LPGAT1: variants seen among roughly 807,000 people sequenced by gnomAD.
LPGAT1 encodes the protein lysophosphatidylglycerol acyltransferase 1, also known as acyl-CoA:lysophosphatidylglycerol acyltransferase 1.
LPGAT1 carries 11 observed loss-of-function variants against 47.5 expected under a neutral mutation model. The observed-to-expected ratio is 0.23, with a 90% CI of 0.15 to 0.38. The LOEUF is 0.38. Ranked by LOEUF, LPGAT1 falls within the 10% of genes least tolerant of loss-of-function variation. The probability of loss-of-function intolerance (pLI) is 1.00; values close to 1 mark genes in which losing one functional copy is unlikely to be tolerated. For missense variants in LPGAT1, 293 were observed against 439.0 expected (o/e 0.67, Z 2.97); for synonymous variants, 138 against 144.2 (o/e 0.96, Z 0.31).
intron 2 of LPGAT1, among the ~76,000 whole-genome samples, chr1:211,820,684 GA>G (rs1226671297): frequency 6.6e-6 from 1 of 151,872 alleles, no homozygotes; most frequent in Non-Finnish European, 1.5e-5. Flanking sequence ...AGGATTAAAG[GA>G]AAAATAACAG....
At chr1:211,808,350 C>CAAAA (rs34803941) in intron 2 of LPGAT1, among the ~76,000 whole-genome samples, 44 of 122,738 alleles carry the variant, frequency 3.6e-4, no homozygotes, top group Non-Finnish European at 5.9e-4. Context: ...AACTCCGTCT[C>CAAAA]AAAAAAAAAA....
At chr1:211,771,381 A>G (rs1479445483) in intron 6 of LPGAT1, among the ~76,000 whole-genome samples, 1 of 152,192 alleles carries the variant, frequency 6.6e-6, no homozygotes, top group South Asian at 2.1e-4. Context: ...TAAGTGACAC[A>G]TGACTGTATA....
chr1:211,806,647 T>C (rs1335438372), intron 2 of LPGAT1, among the ~76,000 whole-genome samples: 1 of 152,176 alleles, frequency 6.6e-6, no homozygotes, highest in Non-Finnish European at 1.5e-5. Context: ...CCTGAACATA[T>C]ACCCTCTGAA....
chr1:211,788,973 T>C (rs1191458102), intron 3 of LPGAT1, among the ~76,000 whole-genome samples: 3 of 152,242 alleles, frequency 2.0e-5, no homozygotes, highest in Non-Finnish European at 4.4e-5. Flanking sequence ...GATGATATAA[T>C]ATTACAGCTT....
At position 211,751,013 on chromosome 1, in the gene LPGAT1, G is replaced by A. The variant is rs764305645; in HGVS notation, c.909C>T (p.Leu303=). Residue 303 remains leucine (L), a synonymous_variant, in exon 7 of 8, where the codon CTC becomes CTT. Transcript: ENST00000366997. ...PLETDDLTTW[L]YQRFVEKEDL... ...CTTCTTTTTCAACAAACCGCTGATA[G>A]AGCCAAGTGGTAAGGTCATCAGTCT... is the stretch of plus-strand genomic sequence containing the variant. 7.4e-6 allele frequency: 12 copies of A among 1,613,798 alleles called. No homozygotes were observed. Among genetic ancestry groups the A allele is most frequent in the African/African-American group, 5.3e-5 (4 of 74,918 alleles).
chr1:211,797,166 G>A (rs1481697699), intron 2 of LPGAT1, among the ~76,000 whole-genome samples: 1 of 152,094 alleles, frequency 6.6e-6, no homozygotes, highest in African/African-American at 2.4e-5. Context: ...TGAGGCACAA[G>A]AATCGCTTGA....
intron 6 of LPGAT1, among the ~76,000 whole-genome samples, chr1:211,757,801 C>T (rs1208893990): frequency 6.6e-6 from 1 of 152,200 alleles, no homozygotes. Context: ...CAAAGGGTAA[C>T]TTCCATCTTT....
intron 6 of LPGAT1, among the ~76,000 whole-genome samples, chr1:211,769,459 G>C (rs1009565514): frequency 2.9e-4 from 44 of 152,092 alleles, no homozygotes; most frequent in African/African-American, 2.4e-5. Context: ...ATGGGAAAGG[G>C]GTCCTGATCC....
Position 211,798,513 on chromosome 1 carries a change from G to A in LPGAT1, c.239-5323C>T, listed in dbSNP as rs550424393. ...CAGTCTGGGCAACAAAGTGAGATCT[G>A]TCTCTATAAAAAAATTTAAAATTAG... On this transcript the variant is annotated intron_variant, in intron 2 of 7. Coordinates refer to ENST00000366997, the MANE Select transcript of LPGAT1 (RefSeq NM_014873.3). Among the ~76,000 whole-genome samples, 3 of 152,144 alleles carry A rather than the reference G, an allele frequency of 2.0e-5. No homozygotes were observed. The East Asian group carries it at 5.8e-4, about 29-fold the overall frequency.
chr1:211,777,122 C>A (rs781746223), intron 6 of LPGAT1, among the ~76,000 whole-genome samples: 45 of 152,126 alleles, frequency 3.0e-4, no homozygotes, highest in Non-Finnish European at 5.4e-4. Flanking sequence ...TTTCCCTACG[C>A]CCCTTGGTGT....
intron 6 of LPGAT1, among the ~76,000 whole-genome samples, chr1:211,761,635 A>G (rs1207770108): frequency 6.6e-6 from 1 of 152,246 alleles, no homozygotes; most frequent in African/African-American, 2.4e-5. Context: ...ATGTGAGCTA[A>G]TAAATTCCCT....
chr1:211,785,093 G>A (rs566341855), intron 4 of LPGAT1, among the ~76,000 whole-genome samples: 1 of 152,112 alleles, frequency 6.6e-6, no homozygotes, highest in South Asian at 2.1e-4. Flanking sequence ...GTGAGCCACT[G>A]CGCCCAGCCG....
chr1:211,755,442 ATTAC>A (rs1657400348), intron 6 of LPGAT1, among the ~76,000 whole-genome samples: 1 of 151,992 alleles, frequency 6.6e-6, no homozygotes, highest in Non-Finnish European at 1.5e-5. Context: ...AGAAAAGAAT[ATTAC>A]TTATGAATTA....
At position 211,815,233 on chromosome 1, in the gene LPGAT1, T is replaced by C. The variant is rs6696655; in HGVS notation, c.238+13826A>G. ...CCACTTGGATGTTTTTCATCTACCC[T>C]ATGCTAAATTTTTAAATTTTTAAAA... On this transcript the variant is annotated intron_variant, in intron 2 of 7. Transcript: ENST00000366997. 5.2e-3 allele frequency among the ~76,000 whole-genome samples: 795 copies of C among 152,320 alleles called. 6 individuals are homozygous for C. Among genetic ancestry groups the C allele is most frequent in the African/African-American group, 0.018 (754 of 41,568 alleles).
chr1:211,748,172 G>A lies in LPGAT1; in HGVS notation c.*1727C>T, dbSNP rs1009746024. 4.0e-4 allele frequency: 61 copies of A among 152,334 alleles called. No homozygotes were observed. The highest frequency in any genetic ancestry group is 1.2e-3 in the African/African-American group (50 of 41,420). The allele number at this position is 152,334 out of a possible 1,614,324, so 9.4% of individuals were successfully genotyped here. On this transcript the variant is annotated 3_prime_UTR_variant, in exon 8 of 8. Coordinates refer to ENST00000366997, the MANE Select transcript of LPGAT1 (RefSeq NM_014873.3). Reference sequence around the variant, plus strand: ...AAATTGTTGTGTGATTAGTGACAACGGGGGAATCTACAATGCTCACATCAC... The same window carrying A: ...AAATTGTTGTGTGATTAGTGACAACAGGGGAATCTACAATGCTCACATCAC...
Position 211,809,284 on chromosome 1 carries a change from C to T in LPGAT1, c.239-16094G>A, listed in dbSNP as rs76621274. 2.4e-4 allele frequency among the ~76,000 whole-genome samples: 37 copies of T among 152,144 alleles called. 1 individual carries two copies. In the East Asian group the frequency reaches 5.2e-3, roughly 21 times the overall value. On this transcript the variant is annotated intron_variant, in intron 2 of 7. Transcript: ENST00000366997. ...CTTAAGTTTCTTTCTATAGTATGTCCCAATAACAGCACTTCCACCTGTACA... is the reference window on the plus strand; with the variant it reads ...CTTAAGTTTCTTTCTATAGTATGTCTCAATAACAGCACTTCCACCTGTACA...
intron 6 of LPGAT1, among the ~76,000 whole-genome samples, chr1:211,761,799 T>G (rs80252318): frequency 0.023 from 3,546 of 152,304 alleles, 144 homozygotes; most frequent in African/African-American, 0.08. Flanking sequence ...AACTTATTGT[T>G]TCTAACACGT....
At chr1:211,816,572 A>G (rs970326728) in intron 2 of LPGAT1, among the ~76,000 whole-genome samples, 2 of 152,222 alleles carry the variant, frequency 1.3e-5, no homozygotes, top group African/African-American at 4.8e-5. Context: ...AGCCTCAGAT[A>G]TATTTCTAAG....
intron 6 of LPGAT1, among the ~76,000 whole-genome samples, chr1:211,752,437 GCTT>G (rs1657235109): frequency 6.6e-6 from 1 of 151,152 alleles, no homozygotes; most frequent in African/African-American, 2.4e-5. Context: ...TGCAACTTCT[GCTT>G]CTTATAGATT....
Sources: allele counts gnomAD v4.1 joint callset (sites outside exome capture counted in the v4.1 genomes callset), GRCh38; gene constraint gnomAD v4.1.1; transcripts MANE v1.5; gene names NCBI Gene and HGNC (gene_info 2026-07-23, HGNC 2026-07-21).